The following FSIP2 variants were observed in gnomAD, a reference collection of about 807,000 sequenced individuals.
FSIP2 encodes the protein fibrous sheath interacting protein 2, also known as fibrous sheath-interacting protein 2.
In FSIP2, 367 loss-of-function variants were observed where a neutral mutation model predicts 510.5. The ratio of observed to expected loss-of-function variants is 0.72; its 90% CI spans 0.66 to 0.78. The LOEUF (loss-of-function observed/expected upper bound fraction) is 0.78, where lower values mean the gene tolerates loss of function less well. FSIP2 is among the 30% of genes least tolerant of loss of function. FSIP2 has a pLI of 0.00. For synonymous variants in FSIP2, 2,601 were observed against 2,732.2 expected, an observed-to-expected ratio of 0.95 and a Z score of 1.50; for missense variants, 7,594 against 7,901.7, an observed-to-expected ratio of 0.96 and a Z score of 1.48.
intron 14 of FSIP2, among the ~76,000 whole-genome samples, chr2:185,784,349 T>C (rs1355032629): frequency 1.3e-5 from 2 of 152,096 alleles, no homozygotes; most frequent in African/African-American, 4.8e-5. Flanking sequence ...TGGTTAAAAC[T>C]TGTAGTTTAT....
chr2:185,758,964 C>G (rs1159358832), intron 9 of FSIP2, among the ~76,000 whole-genome samples: 5 of 151,038 alleles, frequency 3.3e-5, no homozygotes, highest in African/African-American at 7.3e-5. Flanking sequence ...CATTTCTATA[C>G]AAATTTTAAA....
chr2:185,768,636 T>C (rs767214755), intron 13 of FSIP2, among the ~76,000 whole-genome samples: 3 of 152,284 alleles, frequency 2.0e-5, no homozygotes, highest in Admixed American at 2.0e-4. Flanking sequence ...ATTAAGAAAA[T>C]CTTTATTTTA....
chr2:185,823,885 G>C (rs1693968828), intron 19 of FSIP2, among the ~76,000 whole-genome samples: 2 of 151,708 alleles, frequency 1.3e-5, no homozygotes. Flanking sequence ...ATATTCAATG[G>C]AATGTTATTC....
Position 185,806,313 on chromosome 2 carries a change from A to G in FSIP2, c.17007A>G (p.Glu5669=). ...CAACACAAACGTGTAGGGATGAGGA[A>G]CACCACTCAGATTATGAACATGTTC... is the stretch of plus-strand genomic sequence containing the variant. The part of the protein sequence containing the change: ...DSPTQTCRDE[E]HHSDYEHVQN... Residue 5669 remains glutamate, a synonymous_variant, in exon 17 of 23, where the codon GAA becomes GAG. Transcript: ENST00000424728. 1 of 1,608,766 alleles carries G rather than the reference A, an allele frequency of 6.2e-7. No individual in the cohort carries two copies. The highest frequency in any genetic ancestry group is 8.5e-7 in the Non-Finnish European group (1 of 1,177,450).
intron 19 of FSIP2, among the ~76,000 whole-genome samples, chr2:185,815,736 T>C (rs1693813572): frequency 6.6e-6 from 1 of 152,020 alleles, no homozygotes; most frequent in African/African-American, 2.4e-5. Flanking sequence ...TATTTGCTAA[T>C]GTATTAGGGT....
Position 185,793,115 on chromosome 2 carries a change from A to G in FSIP2, c.5979A>G (p.Gln1993=). 1 of 1,534,404 alleles carries G rather than the reference A, an allele frequency of 6.5e-7. No individual in the cohort carries two copies. Among genetic ancestry groups the G allele is most frequent in the Non-Finnish European group, 8.7e-7 (1 of 1,145,706 alleles). Reference sequence around the variant, plus strand: ...AGTCAGGAAAGACCAACTTGTGCCAACTGTCTTTGTCTAAATTAAATACTT... The same window carrying G: ...AGTCAGGAAAGACCAACTTGTGCCAGCTGTCTTTGTCTAAATTAAATACTT... ...HTKSGKTNLC[Q]LSLSKLNTYA... Residue 1993 remains glutamine (Q), a synonymous_variant, in exon 16 of 23, where the codon CAA becomes CAG. Coordinates refer to ENST00000424728, the MANE Select transcript of FSIP2 (RefSeq NM_173651.4).
chr2:185,779,765 C>CT (rs1692803018), intron 13 of FSIP2, among the ~76,000 whole-genome samples: 1 of 152,026 alleles, frequency 6.6e-6, no homozygotes, highest in African/African-American at 2.4e-5. Context: ...TTTAATACTT[C>CT]TTGGGATTAT....
chr2:185,801,869 C>G lies in FSIP2; in HGVS notation c.12563C>G (p.Ala4188Gly). 1 of 1,485,450 alleles carries G rather than the reference C, an allele frequency of 6.7e-7. No individual in the cohort carries two copies. The highest frequency in any genetic ancestry group is 8.9e-7 in the Non-Finnish European group (1 of 1,118,484). 92.0% of individuals were successfully genotyped at this position (1,485,450 alleles called of 1,614,324 possible). A position where few individuals can be genotyped will look rare whatever the true frequency, so the allele number is the denominator to read the frequency against. Residue 4188 changes from alanine (A) to glycine (G), a missense_variant, in exon 17 of 23, where the codon GCC (alanine) becomes GGC (glycine). Ala to Gly is a moderately conservative substitution (Grantham distance 60). Transcript: ENST00000424728. ...STCIINKVMSAISKHKIWFTI... is the reference protein window; with the variant it reads ...STCIINKVMSGISKHKIWFTI... ...TGTATAATAAATAAGGTTATGTCAG[C>G]CATTTCAAAACATAAAATCTGGTTC...
At chr2:185,821,454 A>G (rs1693917812) in intron 19 of FSIP2, among the ~76,000 whole-genome samples, 1 of 151,998 alleles carries the variant, frequency 6.6e-6, no homozygotes. Context: ...GCATTACATT[A>G]TTACCAAGAC....
chr2:185,741,861 C>T (rs1350292381), intron 2 of FSIP2, among the ~76,000 whole-genome samples: 1 of 152,164 alleles, frequency 6.6e-6, no homozygotes, highest in East Asian at 1.9e-4. Context: ...CTCCTACCTA[C>T]CTTTCGAGAG....
intron 20 of FSIP2, among the ~76,000 whole-genome samples, chr2:185,826,860 C>T (rs959169765): frequency 6.6e-6 from 1 of 151,662 alleles, no homozygotes; most frequent in African/African-American, 2.4e-5. Context: ...GTCACGTAAG[C>T]AATTGGATAT....
chr2:185,767,535 G>A (rs781456848), intron 13 of FSIP2, among the ~76,000 whole-genome samples: 31 of 151,974 alleles, frequency 2.0e-4, no homozygotes, highest in East Asian at 9.7e-4. Context: ...AAATCATGCC[G>A]TTTTTAGTCT....
chr2:185,766,028 C>G (rs1692469534), intron 13 of FSIP2: 1 of 151,578 alleles, frequency 6.6e-6, no homozygotes, highest in Non-Finnish European at 1.5e-5. Flanking sequence ...TGCTTATCAG[C>G]TTAAGGAGAT....
chr2:185,824,282 C>A, intron 19 of FSIP2, 152 bp from the exon 20 acceptor site: 1 of 623,666 alleles, frequency 1.6e-6, no homozygotes, highest in Non-Finnish European at 2.8e-6. Flanking sequence ...AAAAGTCAAT[C>A]AGAAATCATT....
At chr2:185,749,165 T>G (rs1692094939) in intron 7 of FSIP2, among the ~76,000 whole-genome samples, 1 of 151,952 alleles carries the variant, frequency 6.6e-6, no homozygotes, top group Non-Finnish European at 1.5e-5. Flanking sequence ...AGCATCAGCT[T>G]ATTAATTTCT....
intron 14 of FSIP2, 98 bp from the exon 15 acceptor site, chr2:185,786,154 A>AGAT: frequency 1.3e-6 from 1 of 753,654 alleles, no homozygotes; most frequent in South Asian, 1.8e-5. Flanking sequence ...AAAAAATCTT[A>AGAT]GATACAACAA....
Position 185,802,168 on chromosome 2 carries a change from GA to G in FSIP2, c.12864del (p.Val4289Ter). 1 of 1,533,162 alleles carries G rather than the reference GA, an allele frequency of 6.5e-7. No individual in the cohort carries two copies. The highest frequency in any genetic ancestry group is 8.7e-7 in the Non-Finnish European group (1 of 1,145,036). 95.0% of individuals were successfully genotyped at this position (1,533,162 alleles called of 1,614,324 possible). A position where few individuals can be genotyped will look rare whatever the true frequency, so the allele number is the denominator to read the frequency against. On this transcript the variant is annotated frameshift_variant, in exon 17 of 23. Transcript: ENST00000424728. LOFTEE classifies it high-confidence loss of function. The stretch of plus-strand genomic sequence containing the variant: ...TACTATTGTTACACAGGTTCTGAGT[GA>G]AGTGATAGAGTCACACAGACCTCAG... ...VSTIVTQVLS[E>X]VIESHRPQKQ...
intron 9 of FSIP2, among the ~76,000 whole-genome samples, chr2:185,760,140 C>CT (rs1692321879): frequency 1.3e-5 from 2 of 149,666 alleles, no homozygotes; most frequent in Non-Finnish European, 3.0e-5. Context: ...TTGTTTTTGG[C>CT]TTATTACTTA....
At position 185,789,268 on chromosome 2, in the gene FSIP2, T is replaced by G. The variant is rs535706540; in HGVS notation, c.2132T>G (p.Ile711Ser). 4.6e-5 allele frequency: 71 copies of G among 1,534,540 alleles called. No individual in the cohort carries two copies. Among genetic ancestry groups the G allele is most frequent in the South Asian group, 1.1e-4 (9 of 84,044 alleles). ...GAAACTGAAGTGATTTTAGAAAGCATTTTGCGAGAAATAATGTCTGATTTA... is the reference window on the plus strand; with the variant it reads ...GAAACTGAAGTGATTTTAGAAAGCAGTTTGCGAGAAATAATGTCTGATTTA... ...KGETEVILES[I>S]LREIMSDLTQ... The change falls in exon 16 of 23, where the codon ATT (isoleucine) becomes AGT (serine). Residue 711 changes from isoleucine (I) to serine (S), a missense_variant. Ile to Ser is a moderately radical substitution (Grantham distance 142). Coordinates refer to ENST00000424728, the MANE Select transcript of FSIP2 (RefSeq NM_173651.4).
Sources: allele counts gnomAD v4.1 joint callset (sites outside exome capture counted in the v4.1 genomes callset), GRCh38; gene constraint gnomAD v4.1.1; transcripts MANE v1.5; gene names NCBI Gene and HGNC (gene_info 2026-07-23, HGNC 2026-07-21).